FNDC3B: variants seen among roughly 807,000 people sequenced by gnomAD.
FNDC3B encodes fibronectin type III domain-containing protein 3B.
In FNDC3B, 12 loss-of-function variants were observed where a neutral mutation model predicts 151.5. The ratio of observed to expected loss-of-function variants is 0.08; its 90% CI spans 0.05 to 0.13. FNDC3B has a LOEUF of 0.13. Ranked by LOEUF, FNDC3B falls within the 10% of genes least tolerant of loss-of-function variation. The pLI, the probability that FNDC3B is intolerant of heterozygous loss-of-function variation, is 1.00. For missense variants in FNDC3B, 1,214 were observed against 1,505.3 expected (o/e 0.81, Z 3.20); for synonymous variants, 528 against 549.0 (o/e 0.96, Z 0.54).
intron 6 of FNDC3B, among the ~76,000 whole-genome samples, chr3:172,268,782 A>G (rs1416989411): frequency 6.6e-6 from 1 of 152,184 alleles, no homozygotes; most frequent in Non-Finnish European, 1.5e-5. Flanking sequence ...AATTCAAGCC[A>G]TTTAGTTCTA....
At chr3:172,193,137 TCCCTGCCTCCCTTCCTTC>T (rs1724625238) in intron 3 of FNDC3B, among the ~76,000 whole-genome samples, 1 of 67,760 alleles carries the variant, frequency 1.5e-5, no homozygotes, top group Admixed American at 1.6e-4. Context: ...TCCCTTCCTT[TCCCTGCCTCCCTTCCTTC>T]CCACCTTTCC....
intron 1 of FNDC3B, among the ~76,000 whole-genome samples, chr3:172,063,492 A>G (rs1049029303): frequency 1.3e-5 from 2 of 152,284 alleles, no homozygotes; most frequent in Non-Finnish European, 2.9e-5. Flanking sequence ...TGTCCTCCTC[A>G]TGCATTCCTG....
chr3:172,070,488 C>A (rs1717719336), intron 1 of FNDC3B, among the ~76,000 whole-genome samples: 1 of 152,210 alleles, frequency 6.6e-6, no homozygotes, highest in African/African-American at 2.4e-5. Context: ...CTCCCCTGGA[C>A]ATACAGTTGT....
At position 172,076,100 on chromosome 3, in the gene FNDC3B, G is replaced by A. The variant is rs1033001654; in HGVS notation, c.-29+36329G>A. On this transcript the variant is annotated intron_variant, in intron 1 of 25. Transcript: ENST00000415807. Reference sequence around the variant, plus strand: ...TGATATTTTGACTCATCACCATACTGGTCGGTTGTTCCTGGATACTTACGG... The same window carrying A: ...TGATATTTTGACTCATCACCATACTAGTCGGTTGTTCCTGGATACTTACGG... Among the ~76,000 whole-genome samples the A allele has an allele frequency of 2.6e-5, 4 of 152,230 alleles. No homozygotes were observed. The South Asian group carries it at 8.3e-4, about 32-fold the overall frequency.
intron 25 of FNDC3B, among the ~76,000 whole-genome samples, chr3:172,394,106 T>TACAAAAAA (rs1736154546): frequency 6.0e-5 from 1 of 16,644 alleles, no homozygotes; most frequent in Non-Finnish European, 1.1e-4. Context: ...AGACTCCTTC[T>TACAAAAAA]AAAAAAAAAA....
chr3:172,312,473 T>A (rs986334078), intron 11 of FNDC3B, among the ~76,000 whole-genome samples: 28 of 152,334 alleles, frequency 1.8e-4, no homozygotes, highest in African/African-American at 6.7e-4. Context: ...TATAGTAACA[T>A]CTTCCCATCT....
chr3:172,282,148 G>A (rs983510926), intron 6 of FNDC3B, among the ~76,000 whole-genome samples: 2 of 152,158 alleles, frequency 1.3e-5, no homozygotes, highest in African/African-American at 2.4e-5. Flanking sequence ...GTTAGCTTTC[G>A]TACAAGAGTT....
chr3:172,065,940 A>T (rs937019796), intron 1 of FNDC3B, among the ~76,000 whole-genome samples: 1 of 152,166 alleles, frequency 6.6e-6, no homozygotes, highest in Admixed American at 6.5e-5. Flanking sequence ...GGTGATAATG[A>T]TGTAGAGGTA....
intron 7 of FNDC3B, among the ~76,000 whole-genome samples, chr3:172,290,154 A>T (rs1730251760): frequency 6.6e-6 from 1 of 152,120 alleles, no homozygotes; most frequent in Admixed American, 6.5e-5. Context: ...AGCACCTCTA[A>T]ATAAAAGGCA....
chr3:172,153,906 A>G (rs1300710349), intron 3 of FNDC3B, among the ~76,000 whole-genome samples: 3 of 151,976 alleles, frequency 2.0e-5, no homozygotes. Flanking sequence ...AAAAACCTAA[A>G]CCAAAAGACT....
chr3:172,200,296 G>A (rs564241083), intron 3 of FNDC3B, among the ~76,000 whole-genome samples: 1 of 152,332 alleles, frequency 6.6e-6, no homozygotes, highest in South Asian at 2.1e-4. Context: ...TCCACACAGA[G>A]GCCTTGGCCA....
At chr3:172,090,907 A>G (rs767533232) in intron 1 of FNDC3B, among the ~76,000 whole-genome samples, 1 of 152,168 alleles carries the variant, frequency 6.6e-6, no homozygotes, top group Non-Finnish European at 1.5e-5. Flanking sequence ...CAGAAATTTC[A>G]TGTTTAGACT....
At chr3:172,160,162 A>G (rs1295720733) in intron 3 of FNDC3B, among the ~76,000 whole-genome samples, 2 of 152,118 alleles carry the variant, frequency 1.3e-5, no homozygotes. Flanking sequence ...TTACTATTAC[A>G]CAGTACTACA....
chr3:172,362,881 T>C (rs756096218), intron 23 of FNDC3B, 36 bp downstream of exon 23: 1 of 1,501,036 alleles, frequency 6.7e-7, no homozygotes, highest in South Asian at 1.2e-5. Flanking sequence ...GAAGCTTCTG[T>C]AGCTTTGGCT....
At chr3:172,211,279 T>G (rs1243545541) in intron 3 of FNDC3B, among the ~76,000 whole-genome samples, 1 of 152,216 alleles carries the variant, frequency 6.6e-6, no homozygotes, top group East Asian at 1.9e-4. Context: ...CATGACCTTC[T>G]TCAGATTTGA....
At chr3:172,338,424 A>G (rs1328630493) in intron 16 of FNDC3B, 1 of 152,162 alleles carries the variant, frequency 6.6e-6, no homozygotes, top group Non-Finnish European at 1.5e-5. Context: ...ATTCCCATGC[A>G]TGATTAAACA....
At chr3:172,235,505 C>G (rs1727107746) in intron 4 of FNDC3B, among the ~76,000 whole-genome samples, 1 of 152,170 alleles carries the variant, frequency 6.6e-6, no homozygotes, top group Non-Finnish European at 1.5e-5. Context: ...AACCATAGCT[C>G]TGTTACTGGG....
At chr3:172,312,509 C>T (rs563204271) in intron 11 of FNDC3B, among the ~76,000 whole-genome samples, 23 of 152,242 alleles carry the variant, frequency 1.5e-4, no homozygotes, top group Non-Finnish European at 2.5e-4. Flanking sequence ...GACAGGTGAC[C>T]GTTTAATGAA....
At chr3:172,214,106 A>G (rs560082976) in intron 3 of FNDC3B, among the ~76,000 whole-genome samples, 1 of 152,240 alleles carries the variant, frequency 6.6e-6, no homozygotes, top group African/African-American at 2.4e-5. Flanking sequence ...CTTTCCCACA[A>G]TTGCTTGGGG....
Sources: gnomAD v4.1 joint callset for allele counts (sites outside exome capture counted in the v4.1 genomes callset) on GRCh38, gnomAD v4.1.1 for gene constraint, MANE v1.5 for transcripts, NCBI Gene and HGNC (gene_info 2026-07-23, HGNC 2026-07-21) for gene names.